The following AGL variants were observed in gnomAD, a reference collection of about 807,000 sequenced individuals.
AGL encodes amylo-alpha-1,6-glucosidase and 4-alpha-glucanotransferase.
A neutral mutation model predicts 199.3 loss-of-function variants in AGL; 128 were observed. That is an observed-to-expected ratio of 0.64 (90% CI 0.56 to 0.74). AGL has a LOEUF of 0.74. AGL is among the 30% of genes least tolerant of loss of function. AGL has a pLI of 0.00. For synonymous variants in AGL, 584 were observed against 594.7 expected, an observed-to-expected ratio of 0.98 and a Z score of 0.26; for missense variants, 1,809 against 1,820.8, an observed-to-expected ratio of 0.99 and a Z score of 0.12.
chr1:99,878,707 C>CT (rs1651770291), intron 12 of AGL, among the ~76,000 whole-genome samples: 1 of 151,958 alleles, frequency 6.6e-6, no homozygotes, highest in Non-Finnish European at 1.5e-5. Context: ...TAAAAAATGT[C>CT]TATTTCTATA....
intron 5 of AGL, among the ~76,000 whole-genome samples, chr1:99,864,906 G>A (rs1042265944): frequency 1.3e-5 from 2 of 152,028 alleles, no homozygotes; most frequent in Admixed American, 6.6e-5. Context: ...CCCCTTATTC[G>A]CAGTTTTGCT....
chr1:99,919,765 C>T (rs2100892822), intron 33 of AGL, among the ~76,000 whole-genome samples: 1 of 152,288 alleles, frequency 6.6e-6, no homozygotes, highest in Middle Eastern at 3.4e-3. Context: ...GGGCCATCAC[C>T]ACCACATAGA....
intron 2 of AGL, among the ~76,000 whole-genome samples, chr1:99,857,412 C>T (rs12732272): frequency 0.38 from 57,610 of 151,662 alleles, 11,969 homozygotes; most frequent in East Asian, 0.49. Flanking sequence ...GACGGGGTGG[C>T]GGCCGGGCAG....
chr1:99,869,582 G>A (rs887341856), intron 5 of AGL, among the ~76,000 whole-genome samples: 1 of 152,090 alleles, frequency 6.6e-6, no homozygotes, highest in Admixed American at 6.6e-5. Context: ...TTTTGTTAAG[G>A]GAACATAACA....
chr1:99,892,655 C>T (rs532139660), intron 24 of AGL, 48 bp downstream of exon 24: 50 of 1,562,500 alleles, frequency 3.2e-5, no homozygotes, highest in Middle Eastern at 1.7e-4. Flanking sequence ...ATAGTATTCG[C>T]GGAAGAAAAG....
rs1365513585 is a variant in AGL, at chr1:99,879,990, G to A, written c.1679G>A (p.Ser560Asn). The A allele has an allele frequency of 8.7e-6, 14 of 1,613,648 alleles. No individual in the cohort carries two copies. The highest frequency in any genetic ancestry group is 1.2e-5 in the Non-Finnish European group (14 of 1,179,826). ...GTAGTAGCTGAACTGTTCACAGGAAGTGAAGATCTGGACAATGTCTTTGTT... is the reference window on the plus strand; with the variant it reads ...GTAGTAGCTGAACTGTTCACAGGAAATGAAGATCTGGACAATGTCTTTGTT... Reference protein sequence around the residue: ...LYVVAELFTGSEDLDNVFVTR... With the variant: ...LYVVAELFTGNEDLDNVFVTR... Residue 560 changes from serine (S) to asparagine (N), a missense_variant, in exon 13 of 34, where the codon AGT becomes AAT. By Grantham distance (46) the Ser-to-Asn change is conservative. Transcript: ENST00000361915.
Position 99,866,400 on chromosome 1 carries a change from T to G in AGL, c.664+1811T>G, listed in dbSNP as rs971245. Among the ~76,000 whole-genome samples, 425 of 152,320 alleles carry G rather than the reference T, an allele frequency of 2.8e-3. 1 individual carries two copies. Among genetic ancestry groups the G allele is most frequent in the African/African-American group, 9.7e-3 (403 of 41,554 alleles). On this transcript the variant is annotated intron_variant, in intron 5 of 33. Transcript: ENST00000361915. Reference sequence around the variant, plus strand: ...TGTTGCTCTGCAGTCTCCAACACTTTGCTTCAAATTCTTAGTCAGATATGG... The same window carrying G: ...TGTTGCTCTGCAGTCTCCAACACTTGGCTTCAAATTCTTAGTCAGATATGG...
At chr1:99,857,141 G>A (rs1371078089) in intron 2 of AGL, among the ~76,000 whole-genome samples, 9 of 151,972 alleles carry the variant, frequency 5.9e-5, no homozygotes, top group Admixed American at 2.6e-4. Context: ...CAGTAGGGGC[G>A]GCCGGGCAGA....
Position 99,875,067 on chromosome 1 carries a change from G to T in AGL, c.1083-87G>T, listed in dbSNP as rs1651399057. 5 of 1,245,562 alleles carry T rather than the reference G, an allele frequency of 4.0e-6. No homozygotes were observed. In the Admixed American group the frequency reaches 1.0e-4, roughly 25 times the overall value. The allele number at this position is 1,245,562 out of a possible 1,614,324, so 77.2% of individuals were successfully genotyped here. A position where few individuals can be genotyped will look rare whatever the true frequency, so the allele number is the denominator to read the frequency against. On this transcript the variant is annotated intron_variant, in intron 8 of 33. Transcript: ENST00000361915. ...TGAAATCCCGATGAATATATTTAAG[G>T]TTTCTGTGACCTTTGTTAGAAAGTT...
Position 99,899,613 on chromosome 1 carries a change from C to T in AGL, c.3363-1023C>T, listed in dbSNP as rs988429432. On this transcript the variant is annotated intron_variant, in intron 25 of 33. Transcript: ENST00000361915. Reference sequence around the variant, plus strand: ...CCTTCCTTCCTTTCTTTCTTTCCTTCTTTCTTTCTTTTCTTTCTTTTTTTT... The same window carrying T: ...CCTTCCTTCCTTTCTTTCTTTCCTTTTTTCTTTCTTTTCTTTCTTTTTTTT... Among the ~76,000 whole-genome samples the T allele has an allele frequency of 1.7e-4, 22 of 128,270 alleles. No individual in the cohort carries two copies. The South Asian group carries it at 2.0e-3, about 12-fold the overall frequency. 84.2% of individuals were successfully genotyped at this position (128,270 alleles called of 152,430 possible).
At position 99,896,326 on chromosome 1, in the gene AGL, A is replaced by T; in HGVS notation, c.3300A>T (p.Gly1100=). The change falls in exon 25 of 34, where the codon GGA becomes GGT. Residue 1100 remains glycine (G), a synonymous_variant. Coordinates refer to ENST00000361915, the MANE Select transcript of AGL (RefSeq NM_000642.3). ...CTTCTGGTATTTTCCGCTGCTGGGGAAGGGATACTTTTATTGCACTTAGAG... is the reference window on the plus strand; with the variant it reads ...CTTCTGGTATTTTCCGCTGCTGGGGTAGGGATACTTTTATTGCACTTAGAG... The part of the protein sequence containing the change: ...HFSSGIFRCW[G]RDTFIALRGI... 1 of 1,613,632 alleles carries T rather than the reference A, an allele frequency of 6.2e-7. No individual in the cohort carries two copies. Among genetic ancestry groups the T allele is most frequent in the Non-Finnish European group, 8.5e-7 (1 of 1,179,934 alleles).
In AGL at chr1:99,910,746, A is replaced by T; in HGVS notation, c.3735A>T (p.Thr1245=). Residue 1245 remains threonine, a synonymous_variant, in exon 28 of 34, where the codon ACA becomes ACT. Transcript: ENST00000361915. ...TAACTGCAGGAGTTGATGAAGAAAC[A>T]GGATTTGTTTATGGAGGAAATCGTT... The part of the protein sequence containing the change: ...FNITAGVDEE[T]GFVYGGNRFN... 6.2e-7 allele frequency: 1 copy of T among 1,610,928 alleles called. No homozygotes were observed. Among genetic ancestry groups the T allele is most frequent in the Non-Finnish European group, 8.5e-7 (1 of 1,177,342 alleles).
chr1:99,857,241 A>G (rs1032895751), intron 2 of AGL, among the ~76,000 whole-genome samples: 5 of 150,520 alleles, frequency 3.3e-5, no homozygotes, highest in African/African-American at 4.9e-5. Context: ...CGCTCCCCAC[A>G]TCTCAGACGA....
At chr1:99,909,454 G>A (rs1654575078) in intron 27 of AGL, among the ~76,000 whole-genome samples, 1 of 152,116 alleles carries the variant, frequency 6.6e-6, no homozygotes, top group African/African-American at 2.4e-5. Flanking sequence ...ACATTCCAGG[G>A]AGAAAGGACA....
At chr1:99,912,362 A>G in intron 28 of AGL, 43 bp from the exon 29 acceptor site, 2 of 1,495,062 alleles carry the variant, frequency 1.3e-6, no homozygotes, top group East Asian at 4.5e-5. Context: ...TAGTACTTAA[A>G]GGACGCCAAC....
At chr1:99,914,193 A>G (rs1354217541) in intron 30 of AGL, among the ~76,000 whole-genome samples, 1 of 152,212 alleles carries the variant, frequency 6.6e-6, no homozygotes, top group African/African-American at 2.4e-5. Flanking sequence ...TGCTTGTGCT[A>G]GATCCAACTA....
In AGL at chr1:99,902,726, A is replaced by G; in HGVS notation, c.3632A>G (p.His1211Arg). The change falls in exon 27 of 34, where the codon CAC becomes CGC. Residue 1211 changes from histidine to arginine, a missense_variant. Transcript: ENST00000361915. ...FEVIQEAMQK[H>R]MQGIQFRERN... ...GTCATACAGGAAGCAATGCAAAAACACATGCAGGGCATACAGTTCCGAGAA... is the reference window on the plus strand; with the variant it reads ...GTCATACAGGAAGCAATGCAAAAACGCATGCAGGGCATACAGTTCCGAGAA... 6.2e-7 allele frequency: 1 copy of G among 1,613,658 alleles called. No homozygotes were observed. The highest frequency in any genetic ancestry group is 8.5e-7 in the Non-Finnish European group (1 of 1,179,644).
intron 25 of AGL, among the ~76,000 whole-genome samples, chr1:99,899,578 C>G (rs1201548532): frequency 3.4e-5 from 5 of 146,256 alleles, no homozygotes; most frequent in South Asian, 2.3e-4. Flanking sequence ...CCCTCCCTCC[C>G]TCTCTCCTTC....
At chr1:99,901,304 AG>A (rs1356799955) in intron 26 of AGL, among the ~76,000 whole-genome samples, 2 of 149,500 alleles carry the variant, frequency 1.3e-5, no homozygotes, top group African/African-American at 4.9e-5. Flanking sequence ...TCAGCTTCTC[AG>A]GAGGCTGAGG....
Sources: gnomAD v4.1 joint callset for allele counts (sites outside exome capture counted in the v4.1 genomes callset) on GRCh38, gnomAD v4.1.1 for gene constraint, MANE v1.5 for transcripts, NCBI Gene and HGNC (gene_info 2026-07-23, HGNC 2026-07-21) for gene names.